MCF2L2: variants seen among roughly 807,000 people sequenced by gnomAD.
MCF2L2 encodes MCF.2 cell line derived transforming sequence-like 2.
MCF2L2 carries 102 observed loss-of-function variants against 150.2 expected under a neutral mutation model. That is an observed-to-expected ratio of 0.68 (90% confidence interval 0.58 to 0.80). The LOEUF is 0.80. Ranked by LOEUF, MCF2L2 falls within the 30% of genes least tolerant of loss-of-function variation. MCF2L2 has a pLI of 0.00. For synonymous variants in MCF2L2, 465 were observed against 491.3 expected (o/e 0.95, Z 0.71); for missense variants, 1,256 against 1,372.8 (o/e 0.91, Z 1.34).
intron 2 of MCF2L2, among the ~76,000 whole-genome samples, chr3:183,382,051 T>TTTATTATTATTATTATTATTA (rs3050286): frequency 1.3e-5 from 2 of 148,378 alleles, no homozygotes; most frequent in African/African-American, 4.9e-5. Flanking sequence ...AATTTCACCT[T>TTTATTATTATTATTATTATTA]TTATTATTAT....
chr3:183,269,004 A>T (rs1198964124), intron 15 of MCF2L2, among the ~76,000 whole-genome samples: 1 of 152,082 alleles, frequency 6.6e-6, no homozygotes, highest in Non-Finnish European at 1.5e-5. Context: ...CTTGATTATG[A>T]ACCTTAATTT....
intron 3 of MCF2L2, among the ~76,000 whole-genome samples, chr3:183,351,165 G>A (rs1731099157): frequency 8.6e-6 from 1 of 116,498 alleles, no homozygotes; most frequent in South Asian, 2.8e-4. Context: ...AAGCATTGTG[G>A]TGTGTGTGAT....
intron 22 of MCF2L2, among the ~76,000 whole-genome samples, chr3:183,211,489 C>T (rs1343788240): frequency 6.6e-6 from 1 of 152,236 alleles, no homozygotes; most frequent in Non-Finnish European, 1.5e-5. Context: ...AAGGTCCGAT[C>T]TCCAGCGGGT....
At chr3:183,382,270 G>T in intron 2 of MCF2L2, among the ~76,000 whole-genome samples, 1 of 152,008 alleles carries the variant, frequency 6.6e-6, no homozygotes, top group East Asian at 1.9e-4. Flanking sequence ...TGTTGGCCAG[G>T]CTGGTCTCGA....
At chr3:183,364,761 C>T (rs1509015) in intron 3 of MCF2L2, among the ~76,000 whole-genome samples, 25,939 of 152,036 alleles carry the variant, frequency 0.17, 3,177 homozygotes, top group African/African-American at 0.34. Flanking sequence ...CTTTGCACAT[C>T]CCTATGCAAA....
At position 183,178,778 on chromosome 3, in the gene MCF2L2, A is replaced by C. The variant is rs1242047958; in HGVS notation, c.*602T>G. The C allele has an allele frequency of 2.0e-5, 3 of 152,314 alleles. No homozygotes were observed. Among genetic ancestry groups the C allele is most frequent in the Admixed American group, 1.3e-4 (2 of 15,296 alleles). The allele number at this position is 152,314 out of a possible 1,614,324, so 9.4% of individuals were successfully genotyped here. On this transcript the variant is annotated 3_prime_UTR_variant, in exon 30 of 30. Transcript: ENST00000328913. Reference sequence around the variant, plus strand: ...TTGGAACGAACTCTCTCTACAACGAAGCAATCTTGGCACTAACACGAACAC... The same window carrying C: ...TTGGAACGAACTCTCTCTACAACGACGCAATCTTGGCACTAACACGAACAC...
chr3:183,331,819 G>A (rs909552635), intron 5 of MCF2L2, among the ~76,000 whole-genome samples: 5 of 152,090 alleles, frequency 3.3e-5, no homozygotes, highest in Non-Finnish European at 4.4e-5. Flanking sequence ...ATGGAGCCAC[G>A]GCACTCCAGC....
chr3:183,220,449 A>G (rs1247260892), intron 20 of MCF2L2, among the ~76,000 whole-genome samples: 1 of 152,232 alleles, frequency 6.6e-6, no homozygotes, highest in Non-Finnish European at 1.5e-5. Context: ...TATCTTATAG[A>G]TAAACCATAA....
In MCF2L2 at chr3:183,193,113, A is replaced by C. The variant is rs780962991; in HGVS notation, c.2919-17T>G. 5 of 1,601,400 alleles carry C rather than the reference A, an allele frequency of 3.1e-6. No homozygotes were observed. Among genetic ancestry groups the C allele is most frequent in the Non-Finnish European group, 4.3e-6 (5 of 1,168,570 alleles). On this transcript the variant is annotated splice_polypyrimidine_tract_variant and intron_variant, in intron 26 of 29. Transcript: ENST00000328913. ...CTGCCTTTGCTTTAGAGAAATAAACATGAATATTGAGTCACTGGAAGGAAT... is the reference window on the plus strand; with the variant it reads ...CTGCCTTTGCTTTAGAGAAATAAACCTGAATATTGAGTCACTGGAAGGAAT...
chr3:183,422,680 G>A (rs1000511569), intron 1 of MCF2L2, among the ~76,000 whole-genome samples: 1 of 152,214 alleles, frequency 6.6e-6, no homozygotes, highest in Admixed American at 6.5e-5. Context: ...GAGGAGAGAG[G>A]AGCTGGGAGG....
intron 13 of MCF2L2, among the ~76,000 whole-genome samples, chr3:183,292,201 A>G (rs1728191885): frequency 1.3e-5 from 2 of 152,264 alleles, no homozygotes; most frequent in African/African-American, 2.4e-5. Flanking sequence ...CGTAAATTGT[A>G]CTAAATGGAG....
intron 10 of MCF2L2, among the ~76,000 whole-genome samples, chr3:183,309,027 T>A (rs1337977055): frequency 6.6e-6 from 1 of 152,230 alleles, no homozygotes; most frequent in Non-Finnish European, 1.5e-5. Flanking sequence ...TCATTTGTAA[T>A]AAACCAAATC....
At chr3:183,382,559 G>A (rs564807561) in intron 2 of MCF2L2, among the ~76,000 whole-genome samples, 1 of 152,254 alleles carries the variant, frequency 6.6e-6, no homozygotes. Context: ...TAACTGTGGG[G>A]CAACCTACAA....
At chr3:183,282,278 A>G (rs2108468358) in intron 14 of MCF2L2, among the ~76,000 whole-genome samples, 1 of 151,986 alleles carries the variant, frequency 6.6e-6, no homozygotes. Context: ...TCCCTGGTTC[A>G]TGCCATTCTC....
intron 27 of MCF2L2, among the ~76,000 whole-genome samples, chr3:183,187,537 C>T (rs1167860737): frequency 6.6e-6 from 1 of 152,062 alleles, no homozygotes; most frequent in Non-Finnish European, 1.5e-5. Flanking sequence ...GGCATCATCT[C>T]AGCTCACTGC....
intron 13 of MCF2L2, among the ~76,000 whole-genome samples, chr3:183,294,964 T>A (rs1243721162): frequency 6.6e-6 from 1 of 152,018 alleles, no homozygotes; most frequent in African/African-American, 2.4e-5. Context: ...GGTTTCAACA[T>A]GTTGGCCAGG....
intron 15 of MCF2L2, 31 bp downstream of exon 15, chr3:183,276,841 G>GC: frequency 1.3e-6 from 2 of 1,534,596 alleles, no homozygotes; most frequent in Non-Finnish European, 1.8e-6. Flanking sequence ...GCACCCCCTC[G>GC]CCCCCTGCAC....
intron 1 of MCF2L2, among the ~76,000 whole-genome samples, chr3:183,412,347 T>G (rs1174294944): frequency 6.6e-6 from 1 of 152,130 alleles, no homozygotes. Flanking sequence ...CAGGCTGGAG[T>G]GCAGTGGTGC....
intron 15 of MCF2L2, among the ~76,000 whole-genome samples, chr3:183,268,806 T>C (rs149423914): frequency 4.6e-5 from 7 of 152,348 alleles, no homozygotes; most frequent in Non-Finnish European, 1.0e-4. Context: ...GGTGTTCAAA[T>C]TGCCTGACTA....
Sources: gnomAD v4.1 joint callset for allele counts (sites outside exome capture counted in the v4.1 genomes callset) on GRCh38, gnomAD v4.1.1 for gene constraint, MANE v1.5 for transcripts, NCBI Gene and HGNC (gene_info 2026-07-23, HGNC 2026-07-21) for gene names.